RANBP17: variants seen among roughly 807,000 people sequenced by gnomAD.
The protein encoded by RANBP17 is ran-binding protein 17.
Under a neutral mutation model 141.2 loss-of-function variants are expected in RANBP17, and 158 were observed. The ratio of observed to expected loss-of-function variants is 1.12; its 90% CI spans 0.98 to 1.28. RANBP17 has a LOEUF of 1.28. Ranked by LOEUF, RANBP17 falls within the 50% of genes most tolerant of loss-of-function variation. The probability of loss-of-function intolerance (pLI) is 0.00; values close to 1 mark genes in which losing one functional copy is unlikely to be tolerated. For missense variants in RANBP17, 1,438 were observed against 1,290.7 expected (o/e 1.11, Z -1.75); for synonymous variants, 430 against 450.0 (o/e 0.96, Z 0.56).
intron 12 of RANBP17, among the ~76,000 whole-genome samples, chr5:170,952,350 C>G (rs1775278305): frequency 6.6e-6 from 1 of 151,914 alleles, no homozygotes; most frequent in South Asian, 2.1e-4. Flanking sequence ...TTTCACATTC[C>G]TAATGTATAA....
chr5:171,197,853 A>G (rs1408606995), intron 18 of RANBP17, among the ~76,000 whole-genome samples: 1 of 152,140 alleles, frequency 6.6e-6, no homozygotes, highest in Non-Finnish European at 1.5e-5. Context: ...CCTGGCTAAC[A>G]CGGTGAAACC....
chr5:171,152,444 A>G (rs1463727344), intron 14 of RANBP17, among the ~76,000 whole-genome samples: 2 of 150,792 alleles, frequency 1.3e-5, no homozygotes, highest in Non-Finnish European at 3.0e-5. Flanking sequence ...CCCCAAAAAG[A>G]TACAAGCTTT....
intron 14 of RANBP17, among the ~76,000 whole-genome samples, chr5:171,134,397 AT>A (rs1757130038): frequency 6.6e-6 from 1 of 152,180 alleles, no homozygotes; most frequent in South Asian, 2.1e-4. Context: ...GATTGAAGAA[AT>A]TTTTCATTGA....
chr5:170,882,920 T>C (rs536729564), intron 3 of RANBP17, among the ~76,000 whole-genome samples: 8 of 152,300 alleles, frequency 5.3e-5, no homozygotes, highest in Admixed American at 3.3e-4. Context: ...TTGTTCATAT[T>C]AGAAATAGAT....
At chr5:170,865,170 C>G (rs1487797633) in intron 1 of RANBP17, among the ~76,000 whole-genome samples, 1 of 151,830 alleles carries the variant, frequency 6.6e-6, no homozygotes, top group Non-Finnish European at 1.5e-5. Flanking sequence ...TCCAGTGATT[C>G]TCTTGCCTCA....
intron 14 of RANBP17, among the ~76,000 whole-genome samples, chr5:171,017,208 A>G (rs781541382): frequency 2.0e-5 from 3 of 152,136 alleles, no homozygotes; most frequent in Non-Finnish European, 2.9e-5. Flanking sequence ...TAGTGCTGCA[A>G]TAAACATGTG....
chr5:170,881,799 T>G lies in RANBP17; in HGVS notation c.166-7T>G, dbSNP rs868124505. 3 of 1,554,222 alleles carry G rather than the reference T, an allele frequency of 1.9e-6. No individual in the cohort carries two copies. The highest frequency in any genetic ancestry group is 2.6e-6 in the Non-Finnish European group (3 of 1,145,230). On this transcript the variant is annotated splice_region_variant and splice_polypyrimidine_tract_variant and intron_variant, in intron 2 of 27. Transcript: ENST00000523189. Reference sequence around the variant, plus strand: ...ATGATAATAATAAATAAAATTATTCTTTACAGACATCCTATGCTCAGCTCC... The same window carrying G: ...ATGATAATAATAAATAAAATTATTCGTTACAGACATCCTATGCTCAGCTCC...
intron 14 of RANBP17, among the ~76,000 whole-genome samples, chr5:171,055,068 A>G (rs972159466): frequency 1.3e-5 from 2 of 152,190 alleles, no homozygotes; most frequent in African/African-American, 4.8e-5. Context: ...AAAGAGTACA[A>G]TATCAGTGTA....
Position 171,027,840 on chromosome 5 carries a change from A to G in RANBP17, c.1710+59463A>G, listed in dbSNP as rs368240890. On this transcript the variant is annotated intron_variant, in intron 14 of 27. Transcript: ENST00000523189. ...GAATTGAGGAAGTGATTTCAATTTC[A>G]TGTAAATTTTTCTGCTATTAATTAG... Among the ~76,000 whole-genome samples the G allele has an allele frequency of 4.3e-4, 66 of 152,190 alleles. 1 individual carries two copies. In the South Asian group the frequency reaches 0.013, roughly 31 times the overall value.
At chr5:170,919,403 G>T (rs1437757182) in intron 10 of RANBP17, 38 bp from the exon 11 acceptor site, 1 of 1,338,598 alleles carries the variant, frequency 7.5e-7, no homozygotes, top group Non-Finnish European at 1.0e-6. Flanking sequence ...GTAGGAAGAT[G>T]TAATATTTTA....
Position 170,955,213 on chromosome 5 carries a change from G to A in RANBP17, c.1574+1511G>A, listed in dbSNP as rs1181762695. ...CCACTGTGCTGAACCCAAATTGTAT[G>A]ATAGTTAACATTTGTTAGTGGTTGA... On this transcript the variant is annotated intron_variant, in intron 13 of 27. Coordinates refer to ENST00000523189, the MANE Select transcript of RANBP17 (RefSeq NM_022897.5). Among the ~76,000 whole-genome samples, 3 of 152,040 alleles carry A rather than the reference G, an allele frequency of 2.0e-5. No homozygotes were observed. In the East Asian group the frequency reaches 5.8e-4, roughly 29 times the overall value.
chr5:170,953,603 T>G lies in RANBP17; in HGVS notation c.1475T>G (p.Leu492Arg). 1.9e-6 allele frequency: 3 copies of G among 1,606,104 alleles called. No individual in the cohort carries two copies. The highest frequency in any genetic ancestry group is 2.6e-6 in the Non-Finnish European group (3 of 1,173,924). ...CTTCCTTATTCTATATTAGGACGTC[T>G]TGCATGGCTGGTATACTTAGTTGGG... ...TVDITIQEGR[L>R]AWLVYLVGTV... Residue 492 changes from leucine to arginine, a missense_variant, in exon 13 of 28, where the codon CTT (leucine) becomes CGT (arginine). Physicochemically the swap from Leu to Arg is moderately radical, Grantham distance 102 (BLOSUM62 -2). Coordinates refer to ENST00000523189, the MANE Select transcript of RANBP17 (RefSeq NM_022897.5).
chr5:171,259,023 G>GA (rs1388163169), intron 24 of RANBP17, among the ~76,000 whole-genome samples: 1 of 151,834 alleles, frequency 6.6e-6, no homozygotes, highest in Non-Finnish European at 1.5e-5. Flanking sequence ...CAATTAATAG[G>GA]AAAAAACAAA....
At chr5:170,923,221 A>G (rs953192563) in intron 11 of RANBP17, among the ~76,000 whole-genome samples, 2 of 152,160 alleles carry the variant, frequency 1.3e-5, no homozygotes, top group Admixed American at 6.5e-5. Context: ...TTTTTGGCAT[A>G]TAGATGACCA....
chr5:171,151,525 T>C (rs937916911), intron 14 of RANBP17, among the ~76,000 whole-genome samples: 1 of 152,222 alleles, frequency 6.6e-6, no homozygotes, highest in Non-Finnish European at 1.5e-5. Context: ...AAAATATAAA[T>C]AGGCTTAATA....
intron 14 of RANBP17, among the ~76,000 whole-genome samples, chr5:170,974,429 C>A (rs1777215757): frequency 6.6e-6 from 1 of 152,128 alleles, no homozygotes; most frequent in South Asian, 2.1e-4. Flanking sequence ...TCTGAACACA[C>A]TGGGGTAGGG....
intron 20 of RANBP17, among the ~76,000 whole-genome samples, chr5:171,212,158 A>C (rs1366500980): frequency 6.6e-6 from 1 of 152,208 alleles, no homozygotes; most frequent in Non-Finnish European, 1.5e-5. Flanking sequence ...CTCCTGGGAT[A>C]ATTGACACCT....
intron 14 of RANBP17, among the ~76,000 whole-genome samples, chr5:170,994,605 G>C (rs1220277258): frequency 6.6e-6 from 1 of 152,046 alleles, no homozygotes; most frequent in African/African-American, 2.4e-5. Context: ...CCCAAGAAAT[G>C]CTGATAAACC....
At chr5:171,278,209 ACT>A (rs535505206) in intron 25 of RANBP17, among the ~76,000 whole-genome samples, 76 of 151,680 alleles carry the variant, frequency 5.0e-4, no homozygotes, top group Admixed American at 1.4e-3. Context: ...ACATAGCAAG[ACT>A]CTGTCTCTAC....
Sources: allele counts gnomAD v4.1 joint callset (sites outside exome capture counted in the v4.1 genomes callset), GRCh38; gene constraint gnomAD v4.1.1; transcripts MANE v1.5; gene names NCBI Gene and HGNC (gene_info 2026-07-23, HGNC 2026-07-21).